Variants in PEAK1 observed in about 807,000 individuals in gnomAD.
The protein encoded by PEAK1 is pseudopodium enriched atypical kinase 1.
A neutral mutation model predicts 124.7 loss-of-function variants in PEAK1; 54 were observed. That is an observed-to-expected ratio of 0.43 (90% CI 0.35 to 0.54). The LOEUF (loss-of-function observed/expected upper bound fraction) is 0.54. PEAK1 is among the 20% of genes least tolerant of loss of function. PEAK1 has a pLI of 0.01. For missense variants in PEAK1, 2,046 were observed against 2,134.5 expected (o/e 0.96, Z 0.82); for synonymous variants, 719 against 760.0 (o/e 0.95, Z 0.89).
chr15:77,122,340 T>C (rs1451339916), intron 9 of PEAK1, among the ~76,000 whole-genome samples: 1 of 152,222 alleles, frequency 6.6e-6, no homozygotes, highest in Non-Finnish European at 1.5e-5. Context: ...TTGTGACTTG[T>C]ACTCACCAAA....
At position 77,418,172 on chromosome 15, in the gene PEAK1, G is replaced by T. The variant is rs551968093; in HGVS notation, c.-666+1834C>A. On this transcript the variant is annotated intron_variant, in intron 1 of 9. Transcript: ENST00000682557. ...CAACTGGATAAAACGAATAGTTGAGGTATCATAATAGTTCAAAGTGATCTT... is the reference window on the plus strand; with the variant it reads ...CAACTGGATAAAACGAATAGTTGAGTTATCATAATAGTTCAAAGTGATCTT... 19 of 984,948 alleles carry T rather than the reference G, an allele frequency of 1.9e-5. No homozygotes were observed. The African/African-American group carries it at 3.0e-4, about 15-fold the overall frequency. The allele number at this position is 984,948 out of a possible 1,614,324, so 61.0% of individuals were successfully genotyped here. A position where few individuals can be genotyped will look rare whatever the true frequency, so the allele number is the denominator to read the frequency against.
chr15:77,151,350 T>C (rs890912491), intron 8 of PEAK1, among the ~76,000 whole-genome samples: 3 of 152,190 alleles, frequency 2.0e-5, no homozygotes, highest in Non-Finnish European at 4.4e-5. Context: ...GCCCACTTTT[T>C]GATGGTGTTG....
intron 6 of PEAK1, among the ~76,000 whole-genome samples, chr15:77,191,063 CAG>C (rs2057808459): frequency 6.6e-6 from 1 of 152,074 alleles, no homozygotes; most frequent in East Asian, 1.9e-4. Context: ...TCAACACTGA[CAG>C]AGCACAGTTA....
At chr15:77,390,777 A>T (rs1327361797) in intron 1 of PEAK1, among the ~76,000 whole-genome samples, 1 of 152,196 alleles carries the variant, frequency 6.6e-6, no homozygotes, top group African/African-American at 2.4e-5. Context: ...AATTTGCTGA[A>T]GATCACAAAT....
At chr15:77,305,463 AT>A (rs991154768) in intron 2 of PEAK1, among the ~76,000 whole-genome samples, 4 of 152,174 alleles carry the variant, frequency 2.6e-5, no homozygotes, top group Admixed American at 2.6e-4. Context: ...GCGAAGGTCT[AT>A]AAAGAGGGGT....
chr15:77,351,731 G>A (rs890099506), intron 2 of PEAK1: 7 of 985,116 alleles, frequency 7.1e-6, no homozygotes, highest in Non-Finnish European at 8.4e-6. Context: ...CACCGTTAAC[G>A]AGAATAGGGC....
chr15:77,392,898 C>T (rs1246335252), intron 1 of PEAK1, among the ~76,000 whole-genome samples: 1 of 152,126 alleles, frequency 6.6e-6, no homozygotes, highest in Non-Finnish European at 1.5e-5. Flanking sequence ...GTTCAATTGC[C>T]GACACCATCC....
At chr15:77,238,065 T>C (rs1417918022) in intron 6 of PEAK1, among the ~76,000 whole-genome samples, 1 of 152,196 alleles carries the variant, frequency 6.6e-6, no homozygotes, top group Non-Finnish European at 1.5e-5. Context: ...ATATGCTGCC[T>C]TTACTGAATT....
chr15:77,215,704 A>G (rs8028830), intron 6 of PEAK1, among the ~76,000 whole-genome samples: 15,689 of 152,190 alleles, frequency 0.1, 1,024 homozygotes, highest in Middle Eastern at 0.2. Context: ...GGACATTTAA[A>G]CGATAACTTC....
Position 77,179,788 on chromosome 15 carries a change from G to C in PEAK1, c.2139C>G (p.Leu713=). ...TCTGTGGTGAAGACTGACCTCTGTT[G>C]AGACAGTTGTTAAACTCTTGAACCT... ...AQKVQEFNNC[L]NRGQSSPQRS... Residue 713 remains leucine, a synonymous_variant, in exon 7 of 10, where the codon CTC becomes CTG. Transcript: ENST00000682557. The C allele has an allele frequency of 6.2e-7, 1 of 1,614,098 alleles. No individual in the cohort carries two copies.
intron 7 of PEAK1, among the ~76,000 whole-genome samples, chr15:77,176,267 AAAAAG>A (rs1389377625): frequency 4.1e-4 from 61 of 150,198 alleles, no homozygotes; most frequent in Middle Eastern, 3.4e-3. Context: ...AGAAGAAAAA[AAAAAG>A]AAAAGAAAAA....
chr15:77,162,493 CAA>C (rs71143393), intron 7 of PEAK1, among the ~76,000 whole-genome samples: 53 of 70,434 alleles, frequency 7.5e-4, no homozygotes, highest in African/African-American at 3.2e-3. Context: ...GACTCCATCT[CAA>C]AAAAAAAAAA....
At chr15:77,334,472 T>C (rs769573556) in intron 2 of PEAK1, 1 of 985,154 alleles carries the variant, frequency 1.0e-6, no homozygotes, top group African/African-American at 1.7e-5. Context: ...TAGAGGAGAT[T>C]TAGTCAGATT....
At chr15:77,335,780 T>C (rs979266629) in intron 2 of PEAK1, 48 of 984,998 alleles carry the variant, frequency 4.9e-5, no homozygotes, top group Non-Finnish European at 5.3e-5. Context: ...TGTGAGTCAC[T>C]GTACACAGCC....
At position 77,124,626 on chromosome 15, in the gene PEAK1, T is replaced by C. The variant is rs574410225; in HGVS notation, c.4077+8379A>G. Among the ~76,000 whole-genome samples, 3 of 152,360 alleles carry C rather than the reference T, an allele frequency of 2.0e-5. No homozygotes were observed. The South Asian group carries it at 6.2e-4, about 32-fold the overall frequency. ...ACATCAGGTCTCATTTTACCTGGAC[T>C]ACTGCAATAGCATAATGACTGGCTT... On this transcript the variant is annotated intron_variant, in intron 9 of 9. Transcript: ENST00000682557.
At chr15:77,257,061 A>AT (rs2061188784) in intron 5 of PEAK1, among the ~76,000 whole-genome samples, 1 of 152,068 alleles carries the variant, frequency 6.6e-6, no homozygotes, top group African/African-American at 2.4e-5. Flanking sequence ...TGAACTCCTC[A>AT]TTTTTTATGG....
In PEAK1 at chr15:77,158,595, A is replaced by G; in HGVS notation, c.3239T>C (p.Leu1080Ser). ...GRGCTSVTTA[L>S]SLPELEREDG... The stretch of plus-strand genomic sequence containing the variant: ...TTCCCTTTCCAGTTCAGGTAGGGAC[A>G]ATGCTGTTGTGACTGAAGTGCAGCC... The change falls in exon 8 of 10, where the codon TTG becomes TCG. Residue 1080 changes from leucine to serine, a missense_variant. Coordinates refer to ENST00000682557, the MANE Select transcript of PEAK1 (RefSeq NM_001385026.1). 6.2e-7 allele frequency: 1 copy of G among 1,614,126 alleles called. No homozygotes were observed. Among genetic ancestry groups the G allele is most frequent in the Non-Finnish European group, 8.5e-7 (1 of 1,179,970 alleles).
rs1309356033 is a variant in PEAK1 at position 77,115,294 on chromosome 15, G to A, written c.4103C>T (p.Ser1368Phe). The A allele has an allele frequency of 1.2e-6, 2 of 1,613,514 alleles. No individual in the cohort carries two copies. Among genetic ancestry groups the A allele is most frequent in the South Asian group, 2.2e-5 (2 of 91,060 alleles). The change falls in exon 10 of 10, where the codon TCT becomes TTT. Residue 1368 changes from serine to phenylalanine, a missense_variant. Ser to Phe is a radical substitution (Grantham distance 155). Transcript: ENST00000682557. ...AGCCAAGCTGTGATAATACTGCTGA[G>A]ATTCTTTAGCTTTGCTCTTACAGAT... ...VKICKSKAKE[S>F]QQYYHSLAVR...
intron 6 of PEAK1, among the ~76,000 whole-genome samples, chr15:77,231,795 T>C (rs113681998): frequency 0.01 from 1,560 of 152,266 alleles, 31 homozygotes; most frequent in African/African-American, 0.036. Context: ...GCTAAATTTA[T>C]ATGAGAATAA....
Sources: gnomAD v4.1 joint callset for allele counts (sites outside exome capture counted in the v4.1 genomes callset) on GRCh38, gnomAD v4.1.1 for gene constraint, MANE v1.5 for transcripts, NCBI Gene and HGNC (gene_info 2026-07-23, HGNC 2026-07-21) for gene names.